Variants in SLC39A11 observed in about 807,000 individuals in gnomAD.
The protein encoded by SLC39A11 is solute carrier family 39 member 11.
Under a neutral mutation model 36.1 loss-of-function variants are expected in SLC39A11, and 33 were observed. The observed-to-expected ratio is 0.91, with a 90% CI of 0.69 to 1.22. SLC39A11 has a LOEUF of 1.22. Among genes scored for constraint, SLC39A11 ranks in the 50% most tolerant of loss-of-function variants. The probability of loss-of-function intolerance (pLI) is 0.00; values close to 1 mark genes in which losing one functional copy is unlikely to be tolerated. For missense variants in SLC39A11, 432 were observed against 430.3 expected, an observed-to-expected ratio of 1.00 and a Z score of -0.03; for synonymous variants, 166 against 170.3, an observed-to-expected ratio of 0.97 and a Z score of 0.20.
chr17:72,778,578 A>G (rs528044841), intron 6 of SLC39A11, among the ~76,000 whole-genome samples: 1 of 152,382 alleles, frequency 6.6e-6, no homozygotes, highest in East Asian at 1.9e-4. Context: ...TTACTGTGTG[A>G]CAACACAAAA....
At chr17:73,003,767 A>G (rs924264400) in intron 4 of SLC39A11, among the ~76,000 whole-genome samples, 2 of 152,126 alleles carry the variant, frequency 1.3e-5, no homozygotes, top group African/African-American at 4.8e-5. Flanking sequence ...TAGATTTCAC[A>G]ACTCTCTTAC....
At chr17:72,905,424 C>T (rs1475887307) in intron 5 of SLC39A11, among the ~76,000 whole-genome samples, 1 of 151,776 alleles carries the variant, frequency 6.6e-6, no homozygotes, top group Non-Finnish European at 1.5e-5. Context: ...GGTAAAACCC[C>T]ATCTCTACTA....
At chr17:72,691,042 C>T (rs1445053446) in intron 7 of SLC39A11, among the ~76,000 whole-genome samples, 1 of 152,170 alleles carries the variant, frequency 6.6e-6, no homozygotes, top group East Asian at 1.9e-4. Context: ...GGAGGACTCT[C>T]AAAGGCTTAG....
At chr17:72,771,880 G>A (rs1019084039) in intron 6 of SLC39A11, among the ~76,000 whole-genome samples, 2 of 152,138 alleles carry the variant, frequency 1.3e-5, no homozygotes, top group Non-Finnish European at 2.9e-5. Flanking sequence ...AAAGACTTGG[G>A]GTGGGGAAGG....
At chr17:72,874,791 C>T (rs1261471163) in intron 5 of SLC39A11, among the ~76,000 whole-genome samples, 1 of 152,192 alleles carries the variant, frequency 6.6e-6, no homozygotes, top group Non-Finnish European at 1.5e-5. Flanking sequence ...AAGCCCATTC[C>T]CCTGTCCCGC....
chr17:72,849,350 G>A (rs752578819), intron 6 of SLC39A11, among the ~76,000 whole-genome samples: 1 of 152,218 alleles, frequency 6.6e-6, no homozygotes, highest in African/African-American at 2.4e-5. Context: ...CAGCAATCAT[G>A]TAACAGTTAT....
chr17:72,911,748 ATT>A (rs2083014378), intron 5 of SLC39A11, among the ~76,000 whole-genome samples: 1 of 152,176 alleles, frequency 6.6e-6, no homozygotes, highest in African/African-American at 2.4e-5. Context: ...GGTTCAAGCA[ATT>A]CTACCACCTC....
At chr17:72,691,437 G>C (rs2072024194) in intron 7 of SLC39A11, among the ~76,000 whole-genome samples, 1 of 152,104 alleles carries the variant, frequency 6.6e-6, no homozygotes, top group Non-Finnish European at 1.5e-5. Flanking sequence ...GATAACTAAT[G>C]GTCCTTCCAG....
intron 6 of SLC39A11, among the ~76,000 whole-genome samples, chr17:72,793,143 A>G (rs1452109148): frequency 6.6e-6 from 1 of 152,134 alleles, no homozygotes; most frequent in Non-Finnish European, 1.5e-5. Context: ...CCATTTTAGG[A>G]AGATAATTCT....
Position 72,683,011 on chromosome 17 carries a change from C to T in SLC39A11, c.672-33743G>A, listed in dbSNP as rs1250538600. Among the ~76,000 whole-genome samples, 4 of 152,326 alleles carry T rather than the reference C, an allele frequency of 2.6e-5. No homozygotes were observed. The East Asian group carries it at 7.7e-4, about 29-fold the overall frequency. ...TCCACTTGCACCTCTTTTGAGTCCT[C>T]CTGCAAACTGGCATCTACAAGAGGA... is the stretch of plus-strand genomic sequence containing the variant. On this transcript the variant is annotated intron_variant, in intron 7 of 9. Coordinates refer to ENST00000255559, the MANE Select transcript of SLC39A11 (RefSeq NM_139177.4).
chr17:72,985,871 A>G (rs2088705559), intron 4 of SLC39A11, among the ~76,000 whole-genome samples: 1 of 152,204 alleles, frequency 6.6e-6, no homozygotes, highest in South Asian at 2.1e-4. Flanking sequence ...AGGTAAGATA[A>G]GGTCATTAGG....
chr17:72,655,827 C>T (rs939042658), intron 7 of SLC39A11, among the ~76,000 whole-genome samples: 3 of 152,028 alleles, frequency 2.0e-5, no homozygotes, highest in African/African-American at 7.3e-5. Context: ...TTGAGGACCC[C>T]GTGGCAGGGA....
intron 5 of SLC39A11, among the ~76,000 whole-genome samples, chr17:72,866,216 C>T (rs1248844879): frequency 6.6e-6 from 1 of 152,142 alleles, no homozygotes; most frequent in African/African-American, 2.4e-5. Context: ...GGACCACGAA[C>T]CATATTGTGA....
chr17:73,037,800 A>G (rs2058971194), intron 3 of SLC39A11, among the ~76,000 whole-genome samples: 1 of 152,204 alleles, frequency 6.6e-6, no homozygotes, highest in Non-Finnish European at 1.5e-5. Context: ...AGCCCACCCA[A>G]TCGAATGAAG....
intron 6 of SLC39A11, chr17:72,837,928 T>C: frequency 8.1e-7 from 1 of 1,228,552 alleles, no homozygotes; most frequent in Non-Finnish European, 1.0e-6. Context: ...CAGTTTCTTT[T>C]TTTCCTCAGA....
At position 72,657,081 on chromosome 17, in the gene SLC39A11, G is replaced by T. The variant is rs1240208539; in HGVS notation, c.672-7813C>A. Among the ~76,000 whole-genome samples, 3 of 152,150 alleles carry T rather than the reference G, an allele frequency of 2.0e-5. No individual in the cohort carries two copies. In the East Asian group the frequency reaches 5.8e-4, roughly 29 times the overall value. ...ATTCCTCAAAAAAATAAATAAATAGGCCAGGCACGGTGGCTCACGCCTGTA... is the reference window on the plus strand; with the variant it reads ...ATTCCTCAAAAAAATAAATAAATAGTCCAGGCACGGTGGCTCACGCCTGTA... On this transcript the variant is annotated intron_variant, in intron 7 of 9. Transcript: ENST00000255559.
intron 7 of SLC39A11, among the ~76,000 whole-genome samples, chr17:72,724,169 G>T (rs543978919): frequency 6.6e-6 from 1 of 152,076 alleles, no homozygotes; most frequent in Admixed American, 6.6e-5. Context: ...AAAAAGCCAT[G>T]GGAAGGGAGA....
At chr17:73,024,227 A>T (rs573650868) in intron 4 of SLC39A11, among the ~76,000 whole-genome samples, 1 of 152,338 alleles carries the variant, frequency 6.6e-6, no homozygotes, top group East Asian at 1.9e-4. Context: ...CTATTGCCCC[A>T]GAGGCTTTCT....
chr17:72,960,641 A>AAAATT (rs1457821295), intron 4 of SLC39A11, among the ~76,000 whole-genome samples: 1 of 140,100 alleles, frequency 7.1e-6, no homozygotes, highest in African/African-American at 3.3e-5. Context: ...ATAAAAGTAA[A>AAAATT]AAATTAAATT....
Sources: gnomAD v4.1 joint callset for allele counts (sites outside exome capture counted in the v4.1 genomes callset) on GRCh38, gnomAD v4.1.1 for gene constraint, MANE v1.5 for transcripts, NCBI Gene and HGNC (gene_info 2026-07-23, HGNC 2026-07-21) for gene names.